IMPG2: variants seen among roughly 807,000 people sequenced by gnomAD.
IMPG2 encodes the protein interphotoreceptor matrix proteoglycan 2.
Under a neutral mutation model 129.2 loss-of-function variants are expected in IMPG2, and 91 were observed. The observed-to-expected ratio is 0.70, with a 90% confidence interval of 0.59 to 0.84. IMPG2 has a LOEUF of 0.84. Among genes scored for constraint, IMPG2 ranks in the 40% least tolerant of loss-of-function variants. IMPG2 has a pLI of 0.00. For synonymous variants in IMPG2, 510 were observed against 517.7 expected, an observed-to-expected ratio of 0.99 and a Z score of 0.20; for missense variants, 1,430 against 1,461.7, an observed-to-expected ratio of 0.98 and a Z score of 0.35.
intron 10 of IMPG2, among the ~76,000 whole-genome samples, chr3:101,255,457 G>C (rs190575735): frequency 2.0e-5 from 3 of 152,106 alleles, no homozygotes; most frequent in Admixed American, 6.6e-5. Context: ...TTGCAATACT[G>C]TTTGTGGATA....
rs762438976 is a variant in IMPG2 at position 101,229,530 on chromosome 3, G to A, written c.3483C>T (p.Pro1161=). The change falls in exon 17 of 19, where the codon CCC becomes CCT. Residue 1161 remains proline, a synonymous_variant. Transcript: ENST00000193391. The part of the protein sequence containing the change: ...SSIENAVKYN[P]VYESHRAGCE... Reference sequence around the variant, plus strand: ...ATCCAGCCCTGTGACTTTCATACACGGGGTTGTACTTCACAGCATTCTCAA... The same window carrying A: ...ATCCAGCCCTGTGACTTTCATACACAGGGTTGTACTTCACAGCATTCTCAA... 10 of 1,613,932 alleles carry A rather than the reference G, an allele frequency of 6.2e-6. No homozygotes were observed. Among genetic ancestry groups the A allele is most frequent in the Admixed American group, 1.7e-5 (1 of 60,008 alleles).
intron 14 of IMPG2, among the ~76,000 whole-genome samples, chr3:101,233,926 C>CA (rs1474441203): frequency 2.0e-5 from 3 of 152,064 alleles, no homozygotes; most frequent in East Asian, 3.9e-4. Context: ...GAAGGATCTA[C>CA]ATACATAATG....
At chr3:101,257,314 A>T (rs1325151073) in intron 10 of IMPG2, among the ~76,000 whole-genome samples, 1 of 151,452 alleles carries the variant, frequency 6.6e-6, no homozygotes, top group Non-Finnish European at 1.5e-5. Context: ...CACTTTCCAC[A>T]CTCTGTGGCC....
intron 11 of IMPG2, 27 bp from the exon 12 acceptor site, chr3:101,246,132 A>G (rs780230965): frequency 1.2e-6 from 2 of 1,607,846 alleles, no homozygotes; most frequent in East Asian, 2.2e-5. Flanking sequence ...GCTAAATCAT[A>G]TCATAGATAA....
At chr3:101,293,004 G>C (rs868563400) in intron 3 of IMPG2, among the ~76,000 whole-genome samples, 1 of 152,142 alleles carries the variant, frequency 6.6e-6, no homozygotes. Context: ...CACCACATCT[G>C]CAGTTACTTC....
intron 11 of IMPG2, among the ~76,000 whole-genome samples, chr3:101,252,261 T>C (rs1576751595): frequency 6.6e-6 from 1 of 152,180 alleles, no homozygotes; most frequent in East Asian, 1.9e-4. Context: ...TGACTTATTT[T>C]TTAAAATTTG....
intron 4 of IMPG2, among the ~76,000 whole-genome samples, chr3:101,285,784 A>T (rs1372530587): frequency 3.9e-5 from 6 of 152,180 alleles, no homozygotes; most frequent in South Asian, 2.1e-4. Flanking sequence ...TTTTAATTTT[A>T]AATTTTTATA....
chr3:101,303,366 A>G (rs1249282707), intron 3 of IMPG2, among the ~76,000 whole-genome samples: 1 of 152,226 alleles, frequency 6.6e-6, no homozygotes, highest in Admixed American at 6.5e-5. Flanking sequence ...ACAGTACAGT[A>G]TTAAAAATGA....
rs750947779 is a variant in IMPG2, at chr3:101,244,146, T to C, written c.2185A>G (p.Ile729Val). The change falls in exon 13 of 19, where the codon ATC becomes GTC. Residue 729 changes from isoleucine (I) to valine (V), a missense_variant. Coordinates refer to ENST00000193391, the MANE Select transcript of IMPG2 (RefSeq NM_016247.4). ...KAPLILTSVA[I>V]SASTDKSDQA... ...TCTGATTTATCAGTAGAGGCAGAGA[T>C]TGCTACAGATGTCAGTATAAGAGGT... 6.2e-7 allele frequency: 1 copy of C among 1,614,118 alleles called. No homozygotes were observed. Among genetic ancestry groups the C allele is most frequent in the Admixed American group, 1.7e-5 (1 of 60,006 alleles).
rs532749350 is a variant in IMPG2, at chr3:101,282,576, A to G, written c.534-5863T>C. Among the ~76,000 whole-genome samples, 4 of 152,332 alleles carry G rather than the reference A, an allele frequency of 2.6e-5. No individual in the cohort carries two copies. The South Asian group carries it at 8.3e-4, about 32-fold the overall frequency. ...CATGATACATACAGTCAGTTCTGCT[A>G]TGCTATTTATTTGTAAATTTGTTTC... is the stretch of plus-strand genomic sequence containing the variant. On this transcript the variant is annotated intron_variant, in intron 4 of 18. Coordinates refer to ENST00000193391, the MANE Select transcript of IMPG2 (RefSeq NM_016247.4).
At chr3:101,275,607 T>A (rs1190127552) in intron 6 of IMPG2, 56 bp downstream of exon 6, 3 of 1,277,772 alleles carry the variant, frequency 2.3e-6, no homozygotes, top group Non-Finnish European at 3.4e-6. Flanking sequence ...ATAAACTCTC[T>A]CTTAATCTCT....
intron 9 of IMPG2, 87 bp from the exon 10 acceptor site, chr3:101,257,860 C>T (rs1706628702): frequency 6.9e-7 from 1 of 1,448,690 alleles, no homozygotes; most frequent in East Asian, 2.3e-5. Context: ...AAACATTGGA[C>T]CTAGAGGGGG....
chr3:101,234,453 T>C (rs1706324564), intron 14 of IMPG2, among the ~76,000 whole-genome samples: 1 of 152,082 alleles, frequency 6.6e-6, no homozygotes, highest in Admixed American at 6.6e-5. Flanking sequence ...GGAGAATAAA[T>C]TCCTGTTGTT....
chr3:101,244,748 A>G lies in IMPG2; in HGVS notation c.1583T>C (p.Ile528Thr). The change falls in exon 13 of 19, where the codon ATT (isoleucine) becomes ACT (threonine). Residue 528 changes from isoleucine to threonine, a missense_variant. Ile to Thr is a moderately conservative substitution (Grantham distance 89). Transcript: ENST00000193391. ...GAATGAACTTGAAGGCAATGAATCA[A>G]TAGAAAGAAAATCTTCTGACTCTTC... The part of the protein sequence containing the change: ...NVEESEDFLS[I>T]DSLPSSSFTQ... 19 of 1,614,072 alleles carry G rather than the reference A, an allele frequency of 1.2e-5. No individual in the cohort carries two copies. The highest frequency in any genetic ancestry group is 1.6e-5 in the Non-Finnish European group (19 of 1,179,936).
chr3:101,292,734 G>GTA (rs1383926073), intron 3 of IMPG2, among the ~76,000 whole-genome samples: 7 of 152,172 alleles, frequency 4.6e-5, no homozygotes, highest in African/African-American at 1.7e-4. Flanking sequence ...TTATCTAAAA[G>GTA]TCCTCTTAAA....
intron 2 of IMPG2, among the ~76,000 whole-genome samples, chr3:101,311,767 AAAC>A (rs929552615): frequency 3.3e-5 from 5 of 152,178 alleles, no homozygotes; most frequent in Non-Finnish European, 7.4e-5. Context: ...TAATCTTTAA[AAAC>A]AACAAAGATG....
At position 101,269,192 on chromosome 3, in the gene IMPG2, G is replaced by C. The variant is rs2107245998; in HGVS notation, c.887+323C>G. 3.8e-5 allele frequency among the ~76,000 whole-genome samples: 3 copies of C among 78,616 alleles called. 1 individual carries two copies. In the South Asian group the frequency reaches 1.9e-3, roughly 50 times the overall value. 51.6% of individuals were successfully genotyped at this position (78,616 alleles called of 152,430 possible). ...ACTGACAAGCTTTAGGAAAACACTG[G>C]GGCCACATCTCGTCTGCCTCCTATC... On this transcript the variant is annotated intron_variant, in intron 8 of 18. Transcript: ENST00000193391.
intron 2 of IMPG2, among the ~76,000 whole-genome samples, chr3:101,311,516 C>T (rs180717255): frequency 2.3e-4 from 35 of 152,070 alleles, no homozygotes; most frequent in Non-Finnish European, 7.4e-5. Flanking sequence ...CTAAGTCTCC[C>T]AAAATGCAAA....
At chr3:101,247,224 G>GA (rs765211803) in intron 11 of IMPG2, among the ~76,000 whole-genome samples, 1 of 152,100 alleles carries the variant, frequency 6.6e-6, no homozygotes, top group African/African-American at 2.4e-5. Context: ...AATCCACAGG[G>GA]AAAAAACTCG....
Sources: allele counts gnomAD v4.1 joint callset (sites outside exome capture counted in the v4.1 genomes callset), GRCh38; gene constraint gnomAD v4.1.1; transcripts MANE v1.5; gene names NCBI Gene and HGNC (gene_info 2026-07-23, HGNC 2026-07-21).